SPATA16: variants seen among roughly 807,000 people sequenced by gnomAD.
SPATA16 encodes spermatogenesis-associated protein 16.
A neutral mutation model predicts 63.3 loss-of-function variants in SPATA16; 36 were observed. That is an observed-to-expected ratio of 0.57 (90% CI 0.44 to 0.75). SPATA16 has a LOEUF of 0.75. Ranked by LOEUF, SPATA16 falls within the 30% of genes least tolerant of loss-of-function variation. The pLI, the probability that SPATA16 is intolerant of heterozygous loss-of-function variation, is 0.00. For synonymous variants in SPATA16, 203 were observed against 216.7 expected, an observed-to-expected ratio of 0.94 and a Z score of 0.56; for missense variants, 646 against 679.3, an observed-to-expected ratio of 0.95 and a Z score of 0.54.
chr3:173,098,715 C>A (rs977066513), intron 2 of SPATA16, among the ~76,000 whole-genome samples: 1 of 152,078 alleles, frequency 6.6e-6, no homozygotes, highest in South Asian at 2.1e-4. Flanking sequence ...AAAGAAGAAA[C>A]TGAAGTAGAA....
chr3:173,007,954 A>C (rs1734980319), intron 4 of SPATA16, among the ~76,000 whole-genome samples: 1 of 152,162 alleles, frequency 6.6e-6, no homozygotes, highest in Non-Finnish European at 1.5e-5. Context: ...AATCTTATTG[A>C]ATATATTCAA....
chr3:172,992,564 A>G (rs116683889), intron 4 of SPATA16, among the ~76,000 whole-genome samples: 26 of 152,168 alleles, frequency 1.7e-4, no homozygotes, highest in African/African-American at 6.0e-4. Flanking sequence ...GCAAGGGGAA[A>G]GGGTTAAATA....
intron 10 of SPATA16, among the ~76,000 whole-genome samples, chr3:172,906,964 T>G (rs780197350): frequency 2.0e-5 from 3 of 152,148 alleles, no homozygotes; most frequent in Admixed American, 1.3e-4. Context: ...AGGATGTACA[T>G]TATACTTTTT....
At chr3:172,968,211 G>T (rs1041222409) in intron 5 of SPATA16, among the ~76,000 whole-genome samples, 3 of 152,218 alleles carry the variant, frequency 2.0e-5, no homozygotes, top group East Asian at 1.9e-4. Flanking sequence ...GCTGCCCCTT[G>T]CAGGGCATAT....
chr3:172,933,339 T>C (rs996607211), intron 6 of SPATA16, among the ~76,000 whole-genome samples: 1 of 152,160 alleles, frequency 6.6e-6, no homozygotes, highest in African/African-American at 2.4e-5. Context: ...ACTCTAAAAG[T>C]GAGACCCAAT....
At chr3:172,924,802 G>T (rs1423438759) in intron 7 of SPATA16, among the ~76,000 whole-genome samples, 3 of 152,116 alleles carry the variant, frequency 2.0e-5, no homozygotes, top group African/African-American at 7.2e-5. Flanking sequence ...ATTTAACCTG[G>T]TCATGAATTC....
chr3:172,983,498 G>C (rs1424555097), intron 4 of SPATA16, among the ~76,000 whole-genome samples: 1 of 151,978 alleles, frequency 6.6e-6, no homozygotes, highest in Admixed American at 6.6e-5. Flanking sequence ...GTACTTCTTA[G>C]AGGTATGTGT....
In SPATA16 at chr3:173,019,348, T is replaced by A. The variant is rs1735264490; in HGVS notation, c.848+138A>T. 3 of 812,872 alleles carry A rather than the reference T, an allele frequency of 3.7e-6. No individual in the cohort carries two copies. In the Admixed American group the frequency reaches 5.4e-5, roughly 15 times the overall value. The allele number at this position is 812,872 out of a possible 1,614,324, so 50.4% of individuals were successfully genotyped here. On this transcript the variant is annotated intron_variant, in intron 4 of 10. Transcript: ENST00000351008. Reference sequence around the variant, plus strand: ...GAAAGATAGTCAATAATTGCTGGTTTGACGTTGATAGACAATAATTTGGAT... The same window carrying A: ...GAAAGATAGTCAATAATTGCTGGTTAGACGTTGATAGACAATAATTTGGAT...
intron 2 of SPATA16, among the ~76,000 whole-genome samples, chr3:173,051,211 C>A (rs1736082151): frequency 6.6e-6 from 1 of 151,978 alleles, no homozygotes; most frequent in African/African-American, 2.4e-5. Context: ...TTATCTTTTT[C>A]TTTTCTTTTA....
intron 8 of SPATA16, among the ~76,000 whole-genome samples, chr3:172,923,836 A>T (rs1732668173): frequency 6.6e-6 from 1 of 152,234 alleles, no homozygotes; most frequent in Non-Finnish European, 1.5e-5. Context: ...GTAGGTAATG[A>T]GATGGTTATA....
At chr3:173,018,961 G>T (rs1211025436) in intron 4 of SPATA16, among the ~76,000 whole-genome samples, 1 of 152,120 alleles carries the variant, frequency 6.6e-6, no homozygotes, top group East Asian at 1.9e-4. Context: ...CTTTGCCACA[G>T]TCTAAGTTCT....
chr3:173,071,148 A>C (rs2108307242), intron 2 of SPATA16, among the ~76,000 whole-genome samples: 1 of 152,344 alleles, frequency 6.6e-6, no homozygotes, highest in Non-Finnish European at 1.5e-5. Flanking sequence ...AGAACTCAGA[A>C]ATAAGTCCAT....
intron 4 of SPATA16, among the ~76,000 whole-genome samples, chr3:172,989,690 A>G (rs972183924): frequency 6.6e-6 from 1 of 152,196 alleles, no homozygotes; most frequent in Non-Finnish European, 1.5e-5. Flanking sequence ...AGTGCCTGAT[A>G]CTTGGGAAGC....
intron 4 of SPATA16, among the ~76,000 whole-genome samples, chr3:173,006,501 G>A (rs563058203): frequency 1.3e-5 from 2 of 152,302 alleles, no homozygotes; most frequent in South Asian, 4.1e-4. Context: ...ATGCATCTTA[G>A]ACTTCTAAGT....
intron 2 of SPATA16, among the ~76,000 whole-genome samples, chr3:173,094,623 T>G (rs1737304281): frequency 6.6e-6 from 1 of 151,986 alleles, no homozygotes; most frequent in Non-Finnish European, 1.5e-5. Flanking sequence ...ATGCAGAGCA[T>G]GTAAGCTATT....
At chr3:173,111,110 G>A (rs1435987672) in intron 2 of SPATA16, among the ~76,000 whole-genome samples, 2 of 152,218 alleles carry the variant, frequency 1.3e-5, no homozygotes, top group African/African-American at 4.8e-5. Flanking sequence ...GACTAGCCAT[G>A]ACACTTTAAG....
chr3:172,893,228 T>C (rs1731930721), intron 10 of SPATA16, among the ~76,000 whole-genome samples: 2 of 152,230 alleles, frequency 1.3e-5, no homozygotes, highest in Admixed American at 1.3e-4. Context: ...TTTACGTAGC[T>C]AATCAAGTTA....
rs1349698567 is a variant in SPATA16 at position 173,128,426 on chromosome 3, C to A, written c.-18-10677G>T. ...GGGATGCCTGTACTCACAAAAAGTTCATAGTTTAGTGGGAGATACTACTTT... is the reference window on the plus strand; with the variant it reads ...GGGATGCCTGTACTCACAAAAAGTTAATAGTTTAGTGGGAGATACTACTTT... On this transcript the variant is annotated intron_variant, in intron 1 of 10. Coordinates refer to ENST00000351008, the MANE Select transcript of SPATA16 (RefSeq NM_031955.6). 2.6e-5 allele frequency among the ~76,000 whole-genome samples: 4 copies of A among 152,110 alleles called. No homozygotes were observed. In the East Asian group the frequency reaches 7.7e-4, roughly 29 times the overall value.
At chr3:172,985,344 C>T (rs1000870422) in intron 4 of SPATA16, among the ~76,000 whole-genome samples, 1 of 152,024 alleles carries the variant, frequency 6.6e-6, no homozygotes, top group Non-Finnish European at 1.5e-5. Flanking sequence ...TTTTTGATTT[C>T]TTTTTCTGTG....
Sources: gnomAD v4.1 joint callset for allele counts (sites outside exome capture counted in the v4.1 genomes callset) on GRCh38, gnomAD v4.1.1 for gene constraint, MANE v1.5 for transcripts, NCBI Gene and HGNC (gene_info 2026-07-23, HGNC 2026-07-21) for gene names.